The following CUBN variants were observed in gnomAD, a reference collection of about 807,000 sequenced individuals.
The protein encoded by CUBN is cubilin.
In CUBN, 282 loss-of-function variants were observed where a neutral mutation model predicts 405.3. The observed-to-expected ratio is 0.70, with a 90% CI of 0.63 to 0.77. The LOEUF is 0.77. Among genes scored for constraint, CUBN ranks in the 30% least tolerant of loss-of-function variants. The pLI is 0.00. For synonymous variants in CUBN, 1,684 were observed against 1,617.0 expected, an observed-to-expected ratio of 1.04 and a Z score of -0.99; for missense variants, 4,514 against 4,475.2, an observed-to-expected ratio of 1.01 and a Z score of -0.25.
At position 17,127,842 on chromosome 10, in the gene CUBN, T is replaced by A; in HGVS notation, c.335A>T (p.Gln112Leu). The A allele has an allele frequency of 1.9e-6, 3 of 1,611,516 alleles. No homozygotes were observed. Among genetic ancestry groups the A allele is most frequent in the Non-Finnish European group, 2.5e-6 (3 of 1,177,656 alleles). The change falls in exon 3 of 67, where the codon CAG becomes CTG. Residue 112 changes from glutamine (Q) to leucine (L), a missense_variant. Gln to Leu is a moderately radical substitution (Grantham distance 113). Around this residue, in one of 5 missense-constraint regions of CUBN, gnomAD observed 1,448 missense variants for 1,388.0 expected, o/e 1.04. Coordinates refer to ENST00000377833, the MANE Select transcript of CUBN (RefSeq NM_001081.4). ...LPQNISSQIYQLNSKLVDLER... is the reference protein window; with the variant it reads ...LPQNISSQIYLLNSKLVDLER... ...TGTCAGACTTACCTTGGAATTAAGC[T>A]GATAGATTTGACTAGATATATTTTG...
At chr10:16,982,155 C>T (rs1833293155) in intron 31 of CUBN, among the ~76,000 whole-genome samples, 1 of 152,014 alleles carries the variant, frequency 6.6e-6, no homozygotes, top group African/African-American at 2.4e-5. Flanking sequence ...TTGCTTCTTC[C>T]TTTTTTCAGA....
Position 16,920,109 on chromosome 10 carries a change from A to G in CUBN, c.6675T>C (p.Asp2225=), listed in dbSNP as rs770722834. Residue 2225 remains aspartate, a synonymous_variant, in exon 44 of 67, where the codon GAT becomes GAC. Transcript: ENST00000377833. ...AGGTCACATACCCAGCAGAATCAGC[A>G]TCATGGATGTAGACGTTGCCCCCAC... The part of the protein sequence containing the change: ...LACGGNVYIH[D]ADSAGYVTSP... The G allele has an allele frequency of 1.9e-6, 3 of 1,614,066 alleles. No individual in the cohort carries two copies. The East Asian group carries it at 6.7e-5, about 36-fold the overall frequency.
intron 43 of CUBN, 26 bp downstream of exon 43, chr10:16,925,215 A>G: frequency 6.3e-7 from 1 of 1,585,848 alleles, no homozygotes; most frequent in Non-Finnish European, 8.7e-7. Flanking sequence ...GGAAAAGCAG[A>G]TATAATTCTC....
chr10:17,060,275 C>T (rs1835476083), intron 22 of CUBN, among the ~76,000 whole-genome samples: 2 of 152,120 alleles, frequency 1.3e-5, no homozygotes, highest in South Asian at 2.1e-4. Context: ...GCATGAGCCA[C>T]CACGCCTGGC....
chr10:16,988,029 T>C (rs1034341157), intron 29 of CUBN, among the ~76,000 whole-genome samples: 1 of 152,088 alleles, frequency 6.6e-6, no homozygotes, highest in Non-Finnish European at 1.5e-5. Context: ...GGCATAGGGC[T>C]CTCCTTGAAA....
At chr10:16,996,126 C>T (rs779976362) in intron 28 of CUBN, among the ~76,000 whole-genome samples, 31 of 144,602 alleles carry the variant, frequency 2.1e-4, no homozygotes, top group Non-Finnish European at 3.2e-4. Context: ...CATTACTGTC[C>T]TGTCCCTCCA....
chr10:16,841,787 C>A (rs566155808), intron 60 of CUBN, among the ~76,000 whole-genome samples: 1 of 151,766 alleles, frequency 6.6e-6, no homozygotes, highest in Admixed American at 6.6e-5. Context: ...GTGGTACACC[C>A]CTGTAATCCC....
chr10:17,013,228 T>A (rs1834231298), intron 28 of CUBN, among the ~76,000 whole-genome samples: 1 of 152,152 alleles, frequency 6.6e-6, no homozygotes, highest in African/African-American at 2.4e-5. Flanking sequence ...TTTGTCTGTC[T>A]CTTCCTCTCT....
chr10:16,847,116 T>C (rs539938964), intron 60 of CUBN, among the ~76,000 whole-genome samples: 16 of 152,308 alleles, frequency 1.1e-4, no homozygotes, highest in Admixed American at 9.8e-4. Context: ...ATTTTTGTCA[T>C]GTTATGCAAC....
chr10:16,956,926 T>C (rs1000994698), intron 31 of CUBN, among the ~76,000 whole-genome samples: 19 of 152,162 alleles, frequency 1.2e-4, no homozygotes, highest in Non-Finnish European at 1.5e-4. Context: ...GTATGAGGGA[T>C]AGTGTGATGT....
chr10:17,115,341 C>T (rs1379920114), intron 7 of CUBN, 130 bp downstream of exon 7: 1 of 1,099,978 alleles, frequency 9.1e-7, no homozygotes, highest in East Asian at 2.5e-5. Context: ...CGCCTATGTC[C>T]TACTTACAGA....
chr10:17,068,421 T>C (rs925637202), intron 20 of CUBN, 141 bp from the exon 21 acceptor site: 21 of 982,012 alleles, frequency 2.1e-5, no homozygotes, highest in East Asian at 7.8e-5. Flanking sequence ...CTGATTTTTC[T>C]CTTATTAATA....
At chr10:16,990,209 G>T in intron 29 of CUBN, 125 bp downstream of exon 29, 1 of 942,770 alleles carries the variant, frequency 1.1e-6, no homozygotes, top group Non-Finnish European at 1.7e-6. Flanking sequence ...AAGGGCTGAT[G>T]CTCATTAAAA....
chr10:16,841,274 T>C (rs1839340460), intron 60 of CUBN, among the ~76,000 whole-genome samples: 1 of 152,182 alleles, frequency 6.6e-6, no homozygotes, highest in Non-Finnish European at 1.5e-5. Flanking sequence ...GGGAAATATA[T>C]GATTTTTAAA....
chr10:17,117,949 C>T (rs12245964), intron 6 of CUBN, among the ~76,000 whole-genome samples: 33,117 of 152,012 alleles, frequency 0.22, 4,071 homozygotes, highest in African/African-American at 0.31. Flanking sequence ...TACAGGCATT[C>T]CCCTGTAGCA....
intron 50 of CUBN, among the ~76,000 whole-genome samples, chr10:16,904,820 G>T (rs796667): frequency 0.64 from 97,349 of 152,156 alleles, 31,579 homozygotes; most frequent in East Asian, 0.99. Flanking sequence ...TTCTGCTTAA[G>T]ACCACAAGCC....
At position 17,045,207 on chromosome 10, in the gene CUBN, G is replaced by C. The variant is rs1835101878; in HGVS notation, c.3491-19C>G. On this transcript the variant is annotated intron_variant, in intron 24 of 66. Transcript: ENST00000377833. ...CCGCAACCTACAGGAGAAAGAAGTG[G>C]AATGACACACACCCCTTTCCTTCTG... The C allele has an allele frequency of 2.5e-6, 4 of 1,611,868 alleles. No homozygotes were observed. The highest frequency in any genetic ancestry group is 3.4e-6 in the Non-Finnish European group (4 of 1,178,776).
chr10:17,087,120 A>T (rs924243368), intron 15 of CUBN, among the ~76,000 whole-genome samples: 2 of 141,736 alleles, frequency 1.4e-5, no homozygotes, highest in Admixed American at 7.6e-5. Flanking sequence ...TCTATCCTTT[A>T]TGAATAATTG....
At chr10:17,069,214 G>A (rs985393432) in intron 19 of CUBN, among the ~76,000 whole-genome samples, 1 of 151,938 alleles carries the variant, frequency 6.6e-6, no homozygotes, top group African/African-American at 2.4e-5. Flanking sequence ...CACTTAAGTT[G>A]TTTCTACTTT....
Sources: allele counts gnomAD v4.1 joint callset (sites outside exome capture counted in the v4.1 genomes callset), GRCh38; gene constraint gnomAD v4.1.1; regional missense constraint gnomAD v4.1.1; transcripts MANE v1.5; gene names NCBI Gene and HGNC (gene_info 2026-07-23, HGNC 2026-07-21).